Variants in IMPG1 observed in about 807,000 individuals in gnomAD.
IMPG1 encodes interphotoreceptor matrix proteoglycan 1.
In IMPG1, 85 loss-of-function variants were observed where a neutral mutation model predicts 92.0. The ratio of observed to expected loss-of-function variants is 0.92; its 90% CI spans 0.78 to 1.11. The LOEUF is 1.11. IMPG1 is among the 50% of genes least tolerant of loss of function. The pLI, the probability that IMPG1 is intolerant of heterozygous loss-of-function variation, is 0.00. For synonymous variants in IMPG1, 367 were observed against 334.1 expected (o/e 1.10, Z -1.08); for missense variants, 1,022 against 956.0 (o/e 1.07, Z -0.91).
chr6:76,043,678 A>C (rs534626233), intron 1 of IMPG1, among the ~76,000 whole-genome samples: 1 of 152,214 alleles, frequency 6.6e-6, no homozygotes, highest in African/African-American at 2.4e-5. Flanking sequence ...TATTTTATAG[A>C]TCTACTAACA....
chr6:76,011,855 G>A (rs1783192109), intron 7 of IMPG1, among the ~76,000 whole-genome samples: 2 of 150,508 alleles, frequency 1.3e-5, no homozygotes, highest in Non-Finnish European at 2.9e-5. Flanking sequence ...TTGTTCTTGC[G>A]ATAGTTTACT....
chr6:75,934,781 C>A, intron 14 of IMPG1: 1 of 307,222 alleles, frequency 3.3e-6, no homozygotes, highest in Non-Finnish European at 6.8e-6. Context: ...AGATCGTGCC[C>A]TCCGCTACAC....
intron 4 of IMPG1, among the ~76,000 whole-genome samples, chr6:76,032,309 AT>A (rs11312539): frequency 0.99 from 150,813 of 151,966 alleles, 74,838 homozygotes; most frequent in East Asian, 1. Flanking sequence ...CTTTCTTTGT[AT>A]TTTTTTGAAA....
intron 4 of IMPG1, among the ~76,000 whole-genome samples, chr6:76,031,070 C>T (rs1783645197): frequency 6.6e-6 from 1 of 152,158 alleles, no homozygotes; most frequent in African/African-American, 2.4e-5. Context: ...CTTACTCAGC[C>T]TTCAAACCAT....
intron 12 of IMPG1, among the ~76,000 whole-genome samples, chr6:75,998,323 T>C (rs1782933678): frequency 6.6e-6 from 1 of 152,220 alleles, no homozygotes; most frequent in Admixed American, 6.5e-5. Flanking sequence ...ACTGCCAATA[T>C]AGGAATGAAT....
chr6:75,935,535 G>A (rs2149451989), intron 14 of IMPG1, among the ~76,000 whole-genome samples: 1 of 152,288 alleles, frequency 6.6e-6, no homozygotes, highest in South Asian at 2.1e-4. Context: ...GCAGCTGTGG[G>A]GCCTCCTCGC....
intron 1 of IMPG1, among the ~76,000 whole-genome samples, chr6:76,065,857 C>A (rs1427841257): frequency 6.6e-6 from 1 of 152,054 alleles, no homozygotes; most frequent in African/African-American, 2.4e-5. Context: ...TAAGTGAAAT[C>A]TCATAGTATT....
chr6:75,927,063 G>C (rs1030179053), intron 15 of IMPG1, among the ~76,000 whole-genome samples: 5 of 152,032 alleles, frequency 3.3e-5, no homozygotes, highest in African/African-American at 1.2e-4. Context: ...GCAGCACTTG[G>C]TGTTCTCATG....
chr6:76,016,721 C>T (rs1182814616), intron 7 of IMPG1, among the ~76,000 whole-genome samples: 1 of 152,190 alleles, frequency 6.6e-6, no homozygotes, highest in Non-Finnish European at 1.5e-5. Context: ...CTGTTGTCCA[C>T]ATTGTAGTTC....
At chr6:75,961,820 T>A (rs1028575492) in intron 12 of IMPG1, among the ~76,000 whole-genome samples, 2 of 152,144 alleles carry the variant, frequency 1.3e-5, no homozygotes, top group African/African-American at 4.8e-5. Flanking sequence ...ATCAATCAAG[T>A]GTCAGGGTGG....
At chr6:76,025,100 C>A in intron 5 of IMPG1, 94 bp downstream of exon 5, 3 of 773,070 alleles carry the variant, frequency 3.9e-6, no homozygotes, top group Non-Finnish European at 6.7e-6. Context: ...ACATTATAAA[C>A]ATTATCTTTA....
At chr6:76,044,865 C>T (rs1249178908) in intron 1 of IMPG1, among the ~76,000 whole-genome samples, 1 of 152,160 alleles carries the variant, frequency 6.6e-6, no homozygotes, top group Non-Finnish European at 1.5e-5. Context: ...TCCAGGTTCA[C>T]TGACAGGGAT....
intron 12 of IMPG1, among the ~76,000 whole-genome samples, chr6:75,969,412 T>C (rs1782364694): frequency 6.6e-6 from 1 of 152,148 alleles, no homozygotes; most frequent in African/African-American, 2.4e-5. Flanking sequence ...AAATATCATG[T>C]ATGTGATATA....
At position 75,981,842 on chromosome 6, in the gene IMPG1, C is replaced by T. The variant is rs537166306; in HGVS notation, c.1291+21076G>A. On this transcript the variant is annotated intron_variant, in intron 12 of 16. Transcript: ENST00000369950. ...CTGTTTTTAAAAGATAGTTTAGAAG[C>T]ATCAACTTTTTGGGGGACACTTTAG... is the stretch of plus-strand genomic sequence containing the variant. 1.8e-4 allele frequency among the ~76,000 whole-genome samples: 27 copies of T among 152,284 alleles called. No homozygotes were observed. The South Asian group carries it at 5.6e-3, about 32-fold the overall frequency.
intron 12 of IMPG1, among the ~76,000 whole-genome samples, chr6:75,975,558 T>C (rs1782519809): frequency 6.6e-6 from 1 of 152,230 alleles, no homozygotes; most frequent in Non-Finnish European, 1.5e-5. Flanking sequence ...AAAAAGCTAA[T>C]GGTAATGCAA....
At chr6:76,034,850 A>T in intron 2 of IMPG1, 63 bp from the exon 3 acceptor site, 1 of 1,392,580 alleles carries the variant, frequency 7.2e-7, no homozygotes, top group South Asian at 1.3e-5. Context: ...TCCCAAGCAA[A>T]GTCTAATAAC....
chr6:75,960,243 T>C (rs1174776728), intron 12 of IMPG1, among the ~76,000 whole-genome samples: 1 of 152,134 alleles, frequency 6.6e-6, no homozygotes, highest in East Asian at 1.9e-4. Flanking sequence ...GGTACCTCAG[T>C]TGGAAATTCA....
At chr6:76,040,707 C>A (rs747513498) in intron 2 of IMPG1, among the ~76,000 whole-genome samples, 2 of 152,164 alleles carry the variant, frequency 1.3e-5, no homozygotes, top group Non-Finnish European at 2.9e-5. Context: ...AAGTGAATAT[C>A]TTTTTACTTC....
chr6:75,988,414 T>A (rs1373730590), intron 12 of IMPG1, among the ~76,000 whole-genome samples: 1 of 152,240 alleles, frequency 6.6e-6, no homozygotes, highest in Non-Finnish European at 1.5e-5. Context: ...GCTGCATAAA[T>A]GTCTTCTCCT....
Sources: allele counts gnomAD v4.1 joint callset (sites outside exome capture counted in the v4.1 genomes callset), GRCh38; gene constraint gnomAD v4.1.1; transcripts MANE v1.5; gene names NCBI Gene and HGNC (gene_info 2026-07-23, HGNC 2026-07-21).